The following SIAH3 variants were observed in gnomAD, a reference collection of about 807,000 sequenced individuals.
SIAH3 encodes seven in absentia homolog 3.
In SIAH3, 9 loss-of-function variants were observed where a neutral mutation model predicts 12.6. The observed-to-expected ratio is 0.72, with a 90% confidence interval of 0.43 to 1.25. The LOEUF (loss-of-function observed/expected upper bound fraction) is 1.25, where lower values mean the gene tolerates loss of function less well. SIAH3 is among the 50% of genes most tolerant of loss of function. The probability of loss-of-function intolerance (pLI) is 0.00; values close to 1 mark genes in which losing one functional copy is unlikely to be tolerated. For missense variants in SIAH3, 390 were observed against 365.4 expected, an observed-to-expected ratio of 1.07 and a Z score of -0.55; for synonymous variants, 154 against 151.1, an observed-to-expected ratio of 1.02 and a Z score of -0.14.
At chr13:45,828,576 T>C (rs757907461) in intron 1 of SIAH3, among the ~76,000 whole-genome samples, 1 of 152,220 alleles carries the variant, frequency 6.6e-6, no homozygotes, top group Non-Finnish European at 1.5e-5. Flanking sequence ...GCTTATCTAA[T>C]GAAAGATAGT....
At chr13:45,850,046 GA>G (rs1385376075) in intron 1 of SIAH3, among the ~76,000 whole-genome samples, 14 of 152,204 alleles carry the variant, frequency 9.2e-5, no homozygotes, top group East Asian at 1.9e-4. Context: ...AGCTATAAAA[GA>G]AAAAAAGAAA....
intron 1 of SIAH3, among the ~76,000 whole-genome samples, chr13:45,834,315 T>C (rs191336243): frequency 3.9e-5 from 6 of 152,342 alleles, no homozygotes; most frequent in Non-Finnish European, 8.8e-5. Context: ...AGCATTTATC[T>C]CTACCAGGGG....
rs145138731 is a variant in SIAH3, at chr13:45,783,181, C to A, written c.*202G>T. On this transcript the variant is annotated 3_prime_UTR_variant, in exon 2 of 2. Coordinates refer to ENST00000400405, the MANE Select transcript of SIAH3 (RefSeq NM_198849.3). Reference sequence around the variant, plus strand: ...AACATCACACCAAGATCTTAAATTACAGGATGTTTACATAATATAATGCCC... The same window carrying A: ...AACATCACACCAAGATCTTAAATTAAAGGATGTTTACATAATATAATGCCC... 111 of 347,010 alleles carry A rather than the reference C, an allele frequency of 3.2e-4. No homozygotes were observed. The Middle Eastern group carries it at 3.8e-3, about 12-fold the overall frequency. The allele number at this position is 347,010 out of a possible 1,614,324, so 21.5% of individuals were successfully genotyped here. A position where few individuals can be genotyped will look rare whatever the true frequency, so the allele number is the denominator to read the frequency against.
intron 1 of SIAH3, among the ~76,000 whole-genome samples, chr13:45,807,132 A>T (rs938674881): frequency 6.6e-6 from 1 of 152,342 alleles, no homozygotes; most frequent in South Asian, 2.1e-4. Context: ...ACAGGCTATA[A>T]GAAAAAAACG....
At position 45,782,677 on chromosome 13, in the gene SIAH3, G is replaced by A. The variant is rs1008620448; in HGVS notation, c.*706C>T. The stretch of plus-strand genomic sequence containing the variant: ...CTTTGATTCCAGAGCAGGAGAAGAC[G>A]GCACAGCCTGGGAACAAGGTGACAA... On this transcript the variant is annotated 3_prime_UTR_variant, in exon 2 of 2. Coordinates refer to ENST00000400405, the MANE Select transcript of SIAH3 (RefSeq NM_198849.3). The A allele has an allele frequency of 2.1e-4, 32 of 152,124 alleles. No individual in the cohort carries two copies. The highest frequency in any genetic ancestry group is 7.7e-4 in the African/African-American group (32 of 41,402). 9.4% of individuals were successfully genotyped at this position (152,124 alleles called of 1,614,324 possible).
intron 1 of SIAH3, among the ~76,000 whole-genome samples, chr13:45,835,380 A>C (rs905828471): frequency 6.6e-6 from 1 of 152,226 alleles, no homozygotes; most frequent in Non-Finnish European, 1.5e-5. Context: ...CTACACTAGC[A>C]TCAGGACCTA....
intron 1 of SIAH3, among the ~76,000 whole-genome samples, chr13:45,832,302 C>T (rs1157690544): frequency 6.6e-6 from 1 of 152,206 alleles, no homozygotes; most frequent in Non-Finnish European, 1.5e-5. Context: ...ATTTTCAGAA[C>T]CTTTCCTCGC....
intron 1 of SIAH3, among the ~76,000 whole-genome samples, chr13:45,790,257 A>G (rs1416144212): frequency 1.3e-5 from 2 of 152,226 alleles, no homozygotes; most frequent in Non-Finnish European, 2.9e-5. Flanking sequence ...GTTTAGCTAG[A>G]AAAGAGGCTA....
intron 1 of SIAH3, among the ~76,000 whole-genome samples, chr13:45,791,094 G>A (rs779453886): frequency 6.6e-6 from 1 of 151,996 alleles, no homozygotes; most frequent in Non-Finnish European, 1.5e-5. Flanking sequence ...AGCCCAGAAG[G>A]TTGAGGCTGC....
intron 1 of SIAH3, among the ~76,000 whole-genome samples, chr13:45,827,475 G>T (rs1950682963): frequency 6.6e-6 from 1 of 152,150 alleles, no homozygotes; most frequent in African/African-American, 2.4e-5. Flanking sequence ...ATTTATAACT[G>T]ATTTTATTTC....
At chr13:45,793,616 T>C (rs1950553294) in intron 1 of SIAH3, among the ~76,000 whole-genome samples, 1 of 152,166 alleles carries the variant, frequency 6.6e-6, no homozygotes, top group African/African-American at 2.4e-5. Flanking sequence ...ACCCGGGAAG[T>C]ATGTGGGGAG....
chr13:45,801,459 T>A (rs752320003), intron 1 of SIAH3, among the ~76,000 whole-genome samples: 3 of 152,112 alleles, frequency 2.0e-5, no homozygotes, highest in Non-Finnish European at 2.9e-5. Context: ...ACAGAGAGCT[T>A]TGAAAGCAAG....
At chr13:45,784,718 C>A (rs1950522062) in intron 1 of SIAH3, among the ~76,000 whole-genome samples, 1 of 152,166 alleles carries the variant, frequency 6.6e-6, no homozygotes, top group South Asian at 2.1e-4. Context: ...TAGCTCTCTG[C>A]CCCAGGGCAG....
At chr13:45,839,103 G>A (rs191490218) in intron 1 of SIAH3, among the ~76,000 whole-genome samples, 3 of 152,136 alleles carry the variant, frequency 2.0e-5, no homozygotes, top group Admixed American at 1.3e-4. Context: ...GAGTATGGCC[G>A]CTAATGAGAA....
In SIAH3 at chr13:45,783,955, G is replaced by GGTGGTGGTGGCGGTGGTGGCA; in HGVS notation, c.217_237dup (p.Cys73_His79dup). On this transcript the variant is annotated inframe_insertion, in exon 2 of 2. Transcript: ENST00000400405. ...TGGGGGTGGGCGTGGTGGCGGAGGT[G>GGTGGTGGTGGCGGTGGTGGCA]GTGGTGGTGGCGGTGGTGGCAGTGG... 6.2e-7 allele frequency: 1 copy of GGTGGTGGTGGCGGTGGTGGCA among 1,606,268 alleles called. No homozygotes were observed. The highest frequency in any genetic ancestry group is 8.5e-7 in the Non-Finnish European group (1 of 1,176,620).
At chr13:45,784,398 G>GTTTTTTTTTTTTTTTT (rs35686357) in intron 1 of SIAH3, among the ~76,000 whole-genome samples, 35 of 65,810 alleles carry the variant, frequency 5.3e-4, no homozygotes, top group Non-Finnish European at 7.1e-4. Context: ...AAAGACAGCT[G>GTTTTTTTTTTTTTTTT]TTTTTTTTTT....
chr13:45,818,874 G>T (rs1416130237), intron 1 of SIAH3, among the ~76,000 whole-genome samples: 1 of 152,196 alleles, frequency 6.6e-6, no homozygotes, highest in African/African-American at 2.4e-5. Flanking sequence ...GCCATCATCA[G>T]TTTACCATGA....
rs1324883298 is a variant in SIAH3 at position 45,783,879 on chromosome 13, C to T, written c.314G>A (p.Cys105Tyr). 1 of 1,613,226 alleles carries T rather than the reference C, an allele frequency of 6.2e-7. No homozygotes were observed. The change falls in exon 2 of 2, where the codon TGC becomes TAC. Residue 105 changes from cysteine to tyrosine, a missense_variant. By Grantham distance (194) the Cys-to-Tyr change is radical (BLOSUM62 -2). Transcript: ENST00000400405. ...GGAGAACAAGGGACACATGCACAGG[C>T]AGGGCGTCACCGGGTTGGCGTGCAG... ...AGLHANPVTP[C>Y]LCMCPLFSCQ...
At chr13:45,817,088 G>A (rs1950637263) in intron 1 of SIAH3, among the ~76,000 whole-genome samples, 1 of 152,196 alleles carries the variant, frequency 6.6e-6, no homozygotes, top group South Asian at 2.1e-4. Flanking sequence ...TTTGTTAAAA[G>A]CACTTAAACT....
Sources: allele counts gnomAD v4.1 joint callset (sites outside exome capture counted in the v4.1 genomes callset), GRCh38; gene constraint gnomAD v4.1.1; transcripts MANE v1.5; gene names NCBI Gene and HGNC (gene_info 2026-07-23, HGNC 2026-07-21).